MPP7: variants seen among roughly 807,000 people sequenced by gnomAD.
MPP7 encodes the protein MAGUK p55 scaffold protein 7.
MPP7 carries 60 observed loss-of-function variants against 76.5 expected under a neutral mutation model. That is an observed-to-expected ratio of 0.78 (90% CI 0.64 to 0.97). MPP7 has a LOEUF of 0.97. MPP7 is among the 50% of genes least tolerant of loss of function. MPP7 has a pLI of 0.00. For missense variants in MPP7, 641 were observed against 694.0 expected (o/e 0.92, Z 0.86); for synonymous variants, 237 against 244.5 (o/e 0.97, Z 0.29).
intron 8 of MPP7, among the ~76,000 whole-genome samples, chr10:28,121,222 G>A (rs971104454): frequency 6.6e-6 from 1 of 151,192 alleles, no homozygotes; most frequent in African/African-American, 2.4e-5. Context: ...GCGGTGAGCT[G>A]TGATCGCACC....
chr10:28,245,002 T>C (rs1174951210), intron 1 of MPP7, among the ~76,000 whole-genome samples: 3 of 152,208 alleles, frequency 2.0e-5, no homozygotes, highest in Non-Finnish European at 4.4e-5. Flanking sequence ...ATTTATAGTG[T>C]TGGCACATCC....
chr10:28,070,097 A>G lies in MPP7; in HGVS notation c.1124-245T>C, dbSNP rs145416083. On this transcript the variant is annotated intron_variant, in intron 12 of 16. Coordinates refer to ENST00000683449, the MANE Select transcript of MPP7 (RefSeq NM_001318170.2). ...ATAGAAAGATTTATGTTTAAATGAG[A>G]TATGTTCTAGAGTATTTAGGCTGGA... 6.8e-4 allele frequency among the ~76,000 whole-genome samples: 103 copies of G among 152,204 alleles called. 1 individual carries two copies. The highest frequency in any genetic ancestry group is 1.1e-3 in the Non-Finnish European group (74 of 68,016).
intron 3 of MPP7, among the ~76,000 whole-genome samples, chr10:28,193,671 TAA>T (rs1837486422): frequency 1.3e-5 from 2 of 152,180 alleles, no homozygotes; most frequent in African/African-American, 4.8e-5. Context: ...ACATATCTGA[TAA>T]AAGACTTGCA....
chr10:28,252,078 G>A (rs1839632577), intron 1 of MPP7, among the ~76,000 whole-genome samples: 1 of 152,038 alleles, frequency 6.6e-6, no homozygotes, highest in Non-Finnish European at 1.5e-5. Flanking sequence ...TCAAATTATC[G>A]GTTACTGCCA....
At chr10:28,272,541 T>A (rs971075444) in intron 1 of MPP7, among the ~76,000 whole-genome samples, 1 of 152,200 alleles carries the variant, frequency 6.6e-6, no homozygotes, top group East Asian at 1.9e-4. Context: ...TTTCATTTAA[T>A]GGCTAGAAAC....
intron 1 of MPP7, among the ~76,000 whole-genome samples, chr10:28,285,126 G>C (rs1023092544): frequency 6.6e-6 from 1 of 152,136 alleles, no homozygotes; most frequent in Non-Finnish European, 1.5e-5. Flanking sequence ...TAAGAGACCA[G>C]CTCATAATAT....
At chr10:28,275,378 A>C (rs1840460268) in intron 1 of MPP7, among the ~76,000 whole-genome samples, 1 of 151,382 alleles carries the variant, frequency 6.6e-6, no homozygotes, top group Non-Finnish European at 1.5e-5. Context: ...TACATCCAAT[A>C]ATCACTGTGT....
chr10:28,161,357 C>G (rs957437622), intron 3 of MPP7, among the ~76,000 whole-genome samples: 2 of 151,428 alleles, frequency 1.3e-5, no homozygotes, highest in African/African-American at 4.9e-5. Flanking sequence ...TCCCACCCCC[C>G]GCAGGTTTTA....
intron 4 of MPP7, among the ~76,000 whole-genome samples, chr10:28,148,543 T>C (rs1835780576): frequency 6.6e-6 from 1 of 152,162 alleles, no homozygotes; most frequent in Non-Finnish European, 1.5e-5. Context: ...AAGAAGGGCA[T>C]AATATAAATT....
At chr10:28,130,345 A>T (rs1490535937) in intron 6 of MPP7, among the ~76,000 whole-genome samples, 1 of 152,166 alleles carries the variant, frequency 6.6e-6, no homozygotes, top group Admixed American at 6.5e-5. Context: ...GCTCTATAGG[A>T]TACAGGGCAA....
At chr10:28,220,331 A>C (rs1458083054) in intron 2 of MPP7, among the ~76,000 whole-genome samples, 1 of 152,178 alleles carries the variant, frequency 6.6e-6, no homozygotes, top group Non-Finnish European at 1.5e-5. Context: ...AGAAAAATGA[A>C]AATTACTTCT....
intron 3 of MPP7, among the ~76,000 whole-genome samples, chr10:28,198,628 T>C (rs2133973123): frequency 6.6e-6 from 1 of 151,214 alleles, no homozygotes; most frequent in South Asian, 2.1e-4. Flanking sequence ...TTAAGCAAGT[T>C]TTTGTGCCAT....
intron 3 of MPP7, among the ~76,000 whole-genome samples, chr10:28,185,126 C>T (rs1030405134): frequency 5.4e-5 from 8 of 147,406 alleles, no homozygotes; most frequent in Non-Finnish European, 7.5e-5. Flanking sequence ...GTCAGGAGTT[C>T]GAGACCAGCC....
At chr10:28,252,475 A>G (rs1839645456) in intron 1 of MPP7, among the ~76,000 whole-genome samples, 1 of 152,234 alleles carries the variant, frequency 6.6e-6, no homozygotes, top group Non-Finnish European at 1.5e-5. Flanking sequence ...GCATTTATTT[A>G]GCTTTCTGTG....
chr10:28,185,563 CGTT>C (rs1837209290), intron 3 of MPP7, among the ~76,000 whole-genome samples: 1 of 152,272 alleles, frequency 6.6e-6, no homozygotes, highest in East Asian at 1.9e-4. Flanking sequence ...TCATGGAAGT[CGTT>C]GTCCTCTCTC....
At chr10:28,125,442 A>C (rs1212285386) in intron 6 of MPP7, among the ~76,000 whole-genome samples, 1 of 152,120 alleles carries the variant, frequency 6.6e-6, no homozygotes, top group Admixed American at 6.5e-5. Flanking sequence ...GCAATTCTTC[A>C]TTCATTTCAT....
intron 2 of MPP7, among the ~76,000 whole-genome samples, chr10:28,313,107 T>C (rs2133176286): frequency 6.6e-6 from 1 of 152,324 alleles, no homozygotes. Flanking sequence ...TTCTCCTGTC[T>C]AGCACCTTTA....
intron 1 of MPP7, among the ~76,000 whole-genome samples, chr10:28,275,022 A>T (rs1258298790): frequency 6.6e-6 from 1 of 152,218 alleles, no homozygotes; most frequent in African/African-American, 2.4e-5. Context: ...ATCTTGATGA[A>T]ATCGGCTTAA....
At position 28,159,098 on chromosome 10, in the gene MPP7, T is replaced by C. The variant is rs151299490; in HGVS notation, c.157-9039A>G. Reference sequence around the variant, plus strand: ...GAATACTAAATTGAGCTTTTAATAATTGAAAATGTCCTGGAAGCTACAGAC... The same window carrying C: ...GAATACTAAATTGAGCTTTTAATAACTGAAAATGTCCTGGAAGCTACAGAC... On this transcript the variant is annotated intron_variant, in intron 3 of 16. Transcript: ENST00000683449. Among the ~76,000 whole-genome samples, 12 of 152,274 alleles carry C rather than the reference T, an allele frequency of 7.9e-5. No individual in the cohort carries two copies. In the East Asian group the frequency reaches 1.5e-3, roughly 20 times the overall value.
Sources: allele counts gnomAD v4.1 joint callset (sites outside exome capture counted in the v4.1 genomes callset), GRCh38; gene constraint gnomAD v4.1.1; transcripts MANE v1.5; gene names NCBI Gene and HGNC (gene_info 2026-07-23, HGNC 2026-07-21).